The following HDAC9 variants were observed in gnomAD, a reference collection of about 807,000 sequenced individuals.
HDAC9 encodes the protein histone deacetylase 9.
In HDAC9, 41 loss-of-function variants were observed where a neutral mutation model predicts 139.4. The ratio of observed to expected loss-of-function variants is 0.29; its 90% CI spans 0.23 to 0.38. The LOEUF (loss-of-function observed/expected upper bound fraction) is 0.38, where lower values mean the gene tolerates loss of function less well. Ranked by LOEUF, HDAC9 falls within the 10% of genes least tolerant of loss-of-function variation. HDAC9 has a pLI of 1.00. For synonymous variants in HDAC9, 517 were observed against 476.2 expected (o/e 1.09, Z -1.12); for missense variants, 1,147 against 1,297.0 (o/e 0.88, Z 1.78).
chr7:18,363,298 G>A (rs983244028), intron 1 of HDAC9, among the ~76,000 whole-genome samples: 1 of 152,020 alleles, frequency 6.6e-6, no homozygotes, highest in African/African-American at 2.4e-5. Context: ...CCTGGTGTCT[G>A]ATCTTAGATA....
chr7:18,994,785 CAAACATTTCATTTGTTTGCAT>C (rs1786327151), intron 25 of HDAC9, among the ~76,000 whole-genome samples: 1 of 151,998 alleles, frequency 6.6e-6, no homozygotes. Context: ...ATAACATGGC[CAAACATTTCATTTGTTTGCAT>C]AAACAGCTCT....
intron 24 of HDAC9, among the ~76,000 whole-genome samples, chr7:18,957,155 G>A (rs1309734279): frequency 2.6e-5 from 4 of 152,102 alleles, no homozygotes; most frequent in Non-Finnish European, 4.4e-5. Context: ...ATCGGAAAGC[G>A]ATCTCTCACC....
chr7:18,978,715 G>A (rs1056938674), intron 25 of HDAC9, among the ~76,000 whole-genome samples: 1 of 152,176 alleles, frequency 6.6e-6, no homozygotes, highest in East Asian at 1.9e-4. Context: ...TGCTAGGAAT[G>A]TGTACCTTTA....
At chr7:18,586,617 C>T (rs1829534166) in intron 3 of HDAC9, among the ~76,000 whole-genome samples, 1 of 152,024 alleles carries the variant, frequency 6.6e-6, no homozygotes, top group African/African-American at 2.4e-5. Flanking sequence ...ATGCTATCTT[C>T]TTCTCTATAT....
At chr7:18,121,543 G>GC (rs1455601712) in intron 1 of HDAC9, among the ~76,000 whole-genome samples, 4 of 100,232 alleles carry the variant, frequency 4.0e-5, no homozygotes, top group African/African-American at 1.3e-4. Context: ...ATAAGAATAT[G>GC]CAAAAAAAAA....
intron 11 of HDAC9, among the ~76,000 whole-genome samples, chr7:18,664,692 A>G (rs1474777323): frequency 6.6e-6 from 1 of 151,914 alleles, no homozygotes; most frequent in African/African-American, 2.4e-5. Context: ...TTGTGTCTAA[A>G]CCTAAATATA....
At chr7:18,810,852 T>C (rs1794119126) in intron 17 of HDAC9, among the ~76,000 whole-genome samples, 1 of 151,914 alleles carries the variant, frequency 6.6e-6, no homozygotes, top group South Asian at 2.1e-4. Flanking sequence ...TTTGTTAACT[T>C]TTACTGCTGA....
At chr7:18,244,987 T>C (rs975227041) in intron 2 of HDAC9, among the ~76,000 whole-genome samples, 1 of 20,388 alleles carries the variant, frequency 4.9e-5, no homozygotes, top group Non-Finnish European at 1.1e-4. Context: ...CTCTATTATC[T>C]AATCTGCATC....
intron 1 of HDAC9, among the ~76,000 whole-genome samples, chr7:18,460,174 G>A (rs1016644533): frequency 3.9e-5 from 6 of 151,984 alleles, no homozygotes; most frequent in African/African-American, 1.5e-4. Context: ...TCCTGCTTCA[G>A]CCTCCCAAAG....
chr7:18,151,347 T>G (rs1786764708), intron 1 of HDAC9, among the ~76,000 whole-genome samples: 1 of 152,204 alleles, frequency 6.6e-6, no homozygotes. Context: ...TTTACTCCAT[T>G]TGTTGAGATG....
At chr7:18,720,122 C>T (rs954370562) in intron 12 of HDAC9, among the ~76,000 whole-genome samples, 11 of 151,914 alleles carry the variant, frequency 7.2e-5, no homozygotes, top group African/African-American at 2.7e-4. Context: ...TATATGTGAC[C>T]TTTGATGCAG....
chr7:18,371,316 C>T (rs535915522), intron 1 of HDAC9, among the ~76,000 whole-genome samples: 1 of 152,202 alleles, frequency 6.6e-6, no homozygotes, highest in African/African-American at 2.4e-5. Context: ...AAGTATGTAG[C>T]ACCTTTATTG....
At chr7:18,700,304 T>C (rs1253585916) in intron 12 of HDAC9, among the ~76,000 whole-genome samples, 1 of 152,236 alleles carries the variant, frequency 6.6e-6, no homozygotes, top group African/African-American at 2.4e-5. Context: ...ATCTTATGAA[T>C]GAGTTGTCTT....
At chr7:18,460,488 A>G (rs1793740545) in intron 1 of HDAC9, among the ~76,000 whole-genome samples, 2 of 152,076 alleles carry the variant, frequency 1.3e-5, no homozygotes, top group Admixed American at 6.6e-5. Context: ...TTGTATTAAG[A>G]GTAGATTATC....
intron 12 of HDAC9, among the ~76,000 whole-genome samples, chr7:18,698,524 C>G (rs192625665): frequency 6.6e-6 from 1 of 152,212 alleles, no homozygotes; most frequent in Non-Finnish European, 1.5e-5. Flanking sequence ...TAGTATTTCT[C>G]TAATCACCAA....
At chr7:18,281,211 A>G (rs1797083904) in intron 2 of HDAC9, among the ~76,000 whole-genome samples, 1 of 152,228 alleles carries the variant, frequency 6.6e-6, no homozygotes. Flanking sequence ...AGGCAGTGAT[A>G]AGCAGTGTGT....
intron 1 of HDAC9, among the ~76,000 whole-genome samples, chr7:18,348,741 T>C (rs954289267): frequency 5.3e-5 from 8 of 152,156 alleles, no homozygotes; most frequent in Admixed American, 3.3e-4. Context: ...CTTTTAAAAT[T>C]GGTGTATTTC....
At chr7:18,495,670 C>A, upstream of HDAC9, 1 of 856,556 alleles carries the variant, frequency 1.2e-6, no homozygotes, top group Non-Finnish European at 1.4e-6. Context: ...TGCCTGTGGG[C>A]CATGCTGTTG....
chr7:18,260,332 T>G (rs1795580153), intron 2 of HDAC9, among the ~76,000 whole-genome samples: 1 of 148,124 alleles, frequency 6.8e-6, no homozygotes, highest in African/African-American at 2.5e-5. Context: ...TGTTTTTTTT[T>G]TTTTTGAGAT....
Sources: allele counts gnomAD v4.1 joint callset (sites outside exome capture counted in the v4.1 genomes callset), GRCh38; gene constraint gnomAD v4.1.1; transcripts MANE v1.5; gene names NCBI Gene and HGNC (gene_info 2026-07-23, HGNC 2026-07-21).